Variants in POU3F3 observed in about 807,000 individuals in gnomAD.
POU3F3 encodes the protein POU class 3 homeobox 3.
A neutral mutation model predicts 8.6 loss-of-function variants in POU3F3; 1 was observed. That is an observed-to-expected ratio of 0.12 (90% CI 0.04 to 0.55). The LOEUF is 0.55. POU3F3 is among the 20% of genes least tolerant of loss of function. The pLI is 0.91. For synonymous variants in POU3F3, 418 were observed against 327.4 expected (o/e 1.28, Z -2.99); for missense variants, 577 against 690.7 (o/e 0.84, Z 1.84).
the POU3F3 span, among the ~76,000 whole-genome samples, chr2:104,896,102 C>A: frequency 6.6e-6 from 1 of 152,154 alleles, no homozygotes; most frequent in Non-Finnish European, 1.5e-5. Context: ...GATTTAGGAT[C>A]CAAGAATAAG....
chr2:104,856,242 C>T lies in POU3F3; in HGVS notation c.732C>T (p.Gly244=). 2 of 1,279,418 alleles carry T rather than the reference C, an allele frequency of 1.6e-6. No homozygotes were observed. The highest frequency in any genetic ancestry group is 2.9e-5 in the South Asian group (1 of 34,456). The allele number at this position is 1,279,418 out of a possible 1,614,324, so 79.3% of individuals were successfully genotyped here. ...LSAPPGPGGG[G]GGAGGGAQSL... ...CGCCACCGGGGCCCGGCGGCGGCGGCGGCGGCGCGGGCGGTGGAGCCCAGA... is the reference window on the plus strand; with the variant it reads ...CGCCACCGGGGCCCGGCGGCGGCGGTGGCGGCGCGGGCGGTGGAGCCCAGA... Residue 244 remains glycine, a synonymous_variant, in exon 1 of 1, where the codon GGC becomes GGT. Coordinates refer to ENST00000361360, the MANE Select transcript of POU3F3 (RefSeq NM_006236.3).
At chr2:104,864,813 G>A in the POU3F3 span, among the ~76,000 whole-genome samples, 1 of 152,218 alleles carries the variant, frequency 6.6e-6, no homozygotes, top group Non-Finnish European at 1.5e-5. Context: ...TTTTAAAATA[G>A]ATGGAGAGGC....
At chr2:104,875,296 A>G in the POU3F3 span, among the ~76,000 whole-genome samples, 2 of 152,222 alleles carry the variant, frequency 1.3e-5, no homozygotes, top group Non-Finnish European at 2.9e-5. Context: ...TGCTGTGAAT[A>G]TGGGAGTGCA....
chr2:104,897,560 G>A, the POU3F3 span, among the ~76,000 whole-genome samples: 34 of 152,240 alleles, frequency 2.2e-4, no homozygotes, highest in African/African-American at 7.7e-4. Flanking sequence ...ACTTAGTGGT[G>A]AGTGGCACAA....
Position 104,857,060 on chromosome 2 carries a change from A to AGCCGCCGTCAGCACCGCCGCCGCCCCT in POU3F3, c.*55_*81dup. 1 of 1,345,172 alleles carries AGCCGCCGTCAGCACCGCCGCCGCCCCT rather than the reference A, an allele frequency of 7.4e-7. No individual in the cohort carries two copies. The highest frequency in any genetic ancestry group is 9.6e-7 in the Non-Finnish European group (1 of 1,040,538). The allele number at this position is 1,345,172 out of a possible 1,614,324, so 83.3% of individuals were successfully genotyped here. A position where few individuals can be genotyped will look rare whatever the true frequency, so the allele number is the denominator to read the frequency against. On this transcript the variant is annotated 3_prime_UTR_variant, in exon 1 of 1. Coordinates refer to ENST00000361360, the MANE Select transcript of POU3F3 (RefSeq NM_006236.3). ...GGGCCGCCGCCGCCGCCGCCTCCGC[A>AGCCGCCGTCAGCACCGCCGCCGCCCCT]GCCGCCGTCAGCACCGCCGCCGCCC... is the stretch of plus-strand genomic sequence containing the variant.
At chr2:104,919,472 G>A in the POU3F3 span, among the ~76,000 whole-genome samples, 3 of 152,140 alleles carry the variant, frequency 2.0e-5, no homozygotes, top group African/African-American at 7.2e-5. Context: ...CACAGGCTTG[G>A]GCAGGCCAAA....
At chr2:104,861,781 C>A (rs1676660409), downstream of POU3F3, among the ~76,000 whole-genome samples, 1 of 152,170 alleles carries the variant, frequency 6.6e-6, no homozygotes, top group African/African-American at 2.4e-5. Context: ...CGTGGGGCAA[C>A]CTCTCAGGCT....
chr2:104,874,219 C>T, the POU3F3 span, among the ~76,000 whole-genome samples: 42 of 152,262 alleles, frequency 2.8e-4, no homozygotes, highest in African/African-American at 1.0e-3. Context: ...GGATTGGGAG[C>T]TGCTGTTTGG....
chr2:104,899,471 A>C, the POU3F3 span, among the ~76,000 whole-genome samples: 1 of 152,202 alleles, frequency 6.6e-6, no homozygotes, highest in East Asian at 1.9e-4. Context: ...GAATTTATCT[A>C]TATGTGGTGT....
At chr2:104,912,107 G>A in the POU3F3 span, among the ~76,000 whole-genome samples, 3 of 152,142 alleles carry the variant, frequency 2.0e-5, no homozygotes, top group Non-Finnish European at 4.4e-5. Flanking sequence ...CCAGGGTGCC[G>A]TCATGGGAGC....
At chr2:104,889,460 G>C in the POU3F3 span, among the ~76,000 whole-genome samples, 3 of 152,170 alleles carry the variant, frequency 2.0e-5, no homozygotes, top group Non-Finnish European at 4.4e-5. Flanking sequence ...ATTCCTCCCA[G>C]TGTGCAGGTC....
chr2:104,913,865 A>G, the POU3F3 span, among the ~76,000 whole-genome samples: 1 of 151,952 alleles, frequency 6.6e-6, no homozygotes, highest in Non-Finnish European at 1.5e-5. Flanking sequence ...ACATTTGATT[A>G]TCTATCATTA....
chr2:104,912,101 G>A, the POU3F3 span, among the ~76,000 whole-genome samples: 2 of 152,126 alleles, frequency 1.3e-5, no homozygotes, highest in Non-Finnish European at 2.9e-5. Context: ...CAGCACCCAG[G>A]GTGCCGTCAT....
the POU3F3 span, among the ~76,000 whole-genome samples, chr2:104,900,245 G>A: frequency 8.5e-4 from 129 of 152,246 alleles, no homozygotes; most frequent in African/African-American, 3.1e-3. Context: ...GGCCATAAAC[G>A]ATGTACACTG....
the POU3F3 span, among the ~76,000 whole-genome samples, chr2:104,912,708 G>A: frequency 5.9e-5 from 9 of 152,334 alleles, no homozygotes; most frequent in African/African-American, 9.6e-5. Context: ...CAGGTTGAGC[G>A]TCCATGTGTG....
chr2:104,910,550 G>A, the POU3F3 span, among the ~76,000 whole-genome samples: 4,785 of 152,224 alleles, frequency 0.031, 251 homozygotes, highest in African/African-American at 0.11. Flanking sequence ...GGACTAATGT[G>A]AGGGTTAATT....
downstream of POU3F3, among the ~76,000 whole-genome samples, chr2:104,860,099 G>C (rs1676637145): frequency 6.6e-6 from 1 of 152,226 alleles, no homozygotes; most frequent in Non-Finnish European, 1.5e-5. Flanking sequence ...TATCTACTTA[G>C]TTGATTTAGC....
chr2:104,864,815 T>C, the POU3F3 span, among the ~76,000 whole-genome samples: 1 of 152,194 alleles, frequency 6.6e-6, no homozygotes, highest in Non-Finnish European at 1.5e-5. Flanking sequence ...TTAAAATAGA[T>C]GGAGAGGCTT....
chr2:104,865,227 T>G, the POU3F3 span, among the ~76,000 whole-genome samples: 1 of 152,126 alleles, frequency 6.6e-6, no homozygotes, highest in Admixed American at 6.5e-5. Flanking sequence ...CCCTATAAGT[T>G]GATAGAGGGG....
Sources: allele counts gnomAD v4.1 joint callset (sites outside exome capture counted in the v4.1 genomes callset), GRCh38; gene constraint gnomAD v4.1.1; transcripts MANE v1.5; gene names NCBI Gene and HGNC (gene_info 2026-07-23, HGNC 2026-07-21).